NKAIN3: variants seen among roughly 807,000 people sequenced by gnomAD.
NKAIN3 encodes sodium/potassium transporting ATPase interacting 3, also known as sodium/potassium-transporting ATPase subunit beta-1-interacting protein 3.
Under a neutral mutation model 30.2 loss-of-function variants are expected in NKAIN3, and 25 were observed. That is an observed-to-expected ratio of 0.83 (90% confidence interval 0.60 to 1.16). The LOEUF is 1.16. Among genes scored for constraint, NKAIN3 ranks in the 50% most tolerant of loss-of-function variants. The probability of loss-of-function intolerance (pLI) is 0.00; values close to 1 mark genes in which losing one functional copy is unlikely to be tolerated. For synonymous variants in NKAIN3, 91 were observed against 89.6 expected, an observed-to-expected ratio of 1.02 and a Z score of -0.09; for missense variants, 225 against 254.1, an observed-to-expected ratio of 0.89 and a Z score of 0.78.
intron 1 of NKAIN3, among the ~76,000 whole-genome samples, chr8:62,436,328 G>T (rs1438337183): frequency 1.3e-5 from 2 of 152,094 alleles, no homozygotes; most frequent in East Asian, 3.8e-4. Context: ...AGCCTTTCTT[G>T]GTCCTGTGTG....
chr8:62,965,620 T>TAAAAA lies in NKAIN3; in HGVS notation c.*225_*229dup, dbSNP rs35150872. ...TTCTTATATGAACACTTGTAAGTTG[T>TAAAAA]AAAAAAAAAAAAAAAAGAAAAAACA... On this transcript the variant is annotated 3_prime_UTR_variant, in exon 7 of 7. Coordinates refer to ENST00000623646, the MANE Select transcript of NKAIN3 (RefSeq NM_001304533.3). 1.6e-4 allele frequency: 138 copies of TAAAAA among 886,352 alleles called. No homozygotes were observed. The highest frequency in any genetic ancestry group is 2.0e-4 in the African/African-American group (10 of 50,424). The allele number at this position is 886,352 out of a possible 1,614,324, so 54.9% of individuals were successfully genotyped here.
chr8:62,647,939 T>G (rs1812514688), intron 3 of NKAIN3, among the ~76,000 whole-genome samples: 1 of 151,940 alleles, frequency 6.6e-6, no homozygotes, highest in African/African-American at 2.4e-5. Flanking sequence ...GCAGTGGAGA[T>G]GGAAAGAACT....
chr8:62,556,809 A>G (rs1168900034), intron 1 of NKAIN3, among the ~76,000 whole-genome samples: 1 of 152,064 alleles, frequency 6.6e-6, no homozygotes, highest in Non-Finnish European at 1.5e-5. Context: ...GAGCTAAAAG[A>G]TAACGTAAAA....
At chr8:62,396,154 T>TCACA (rs764714988) in intron 1 of NKAIN3, among the ~76,000 whole-genome samples, 46 of 152,110 alleles carry the variant, frequency 3.0e-4, no homozygotes, top group Admixed American at 5.2e-4. Flanking sequence ...TATGTCTCTC[T>TCACA]CACACACACA....
At chr8:62,818,617 A>G (rs1818759657) in intron 4 of NKAIN3, among the ~76,000 whole-genome samples, 1 of 152,162 alleles carries the variant, frequency 6.6e-6, no homozygotes, top group Non-Finnish European at 1.5e-5. Context: ...GCACTACATT[A>G]AGCCCTGGAA....
intron 6 of NKAIN3, among the ~76,000 whole-genome samples, chr8:62,958,892 A>G (rs1489001316): frequency 6.6e-6 from 1 of 152,202 alleles, no homozygotes; most frequent in Non-Finnish European, 1.5e-5. Flanking sequence ...TTCTACAGCA[A>G]AGGTAGAGCT....
At chr8:62,828,585 A>C (rs1203646144) in intron 4 of NKAIN3, among the ~76,000 whole-genome samples, 1 of 151,670 alleles carries the variant, frequency 6.6e-6, no homozygotes, top group Admixed American at 6.6e-5. Flanking sequence ...CTAGCTAAAA[A>C]AATTTTGACG....
At chr8:62,715,012 G>A (rs983615336) in intron 3 of NKAIN3, among the ~76,000 whole-genome samples, 8 of 152,164 alleles carry the variant, frequency 5.3e-5, no homozygotes, top group African/African-American at 1.7e-4. Context: ...GATAGCATGG[G>A]TGGGGAGGCC....
intron 1 of NKAIN3, among the ~76,000 whole-genome samples, chr8:62,485,946 C>T (rs1445373729): frequency 1.3e-5 from 2 of 152,034 alleles, no homozygotes; most frequent in African/African-American, 4.8e-5. Flanking sequence ...ACAACAAGTA[C>T]ATATTAATTA....
intron 1 of NKAIN3, among the ~76,000 whole-genome samples, chr8:62,516,767 A>C (rs192285999): frequency 6.6e-6 from 1 of 152,230 alleles, no homozygotes; most frequent in Non-Finnish European, 1.5e-5. Context: ...TTGTAAATCT[A>C]CATCAGTAGT....
At chr8:62,507,202 C>T (rs1807670525) in intron 1 of NKAIN3, among the ~76,000 whole-genome samples, 1 of 152,050 alleles carries the variant, frequency 6.6e-6, no homozygotes, top group Admixed American at 6.6e-5. Context: ...TTGAAACAAT[C>T]TTGGAAGTTA....
intron 1 of NKAIN3, among the ~76,000 whole-genome samples, chr8:62,489,217 G>T (rs1409736240): frequency 2.0e-5 from 3 of 149,956 alleles, no homozygotes; most frequent in African/African-American, 4.9e-5. Context: ...AGTAGAGATG[G>T]GGTTTCACCA....
chr8:62,910,921 T>C (rs1821908284), intron 4 of NKAIN3, among the ~76,000 whole-genome samples: 1 of 152,154 alleles, frequency 6.6e-6, no homozygotes, highest in Non-Finnish European at 1.5e-5. Flanking sequence ...TAAATGCCAA[T>C]GGATGAACCA....
At chr8:62,759,530 C>T (rs1321012880) in intron 4 of NKAIN3, among the ~76,000 whole-genome samples, 1 of 152,030 alleles carries the variant, frequency 6.6e-6, no homozygotes, top group African/African-American at 2.4e-5. Context: ...GAATGTGGAA[C>T]TAGAGAGACT....
intron 1 of NKAIN3, among the ~76,000 whole-genome samples, chr8:62,327,866 G>A (rs978842607): frequency 3.3e-5 from 5 of 151,832 alleles, no homozygotes; most frequent in Admixed American, 2.0e-4. Flanking sequence ...GATCATTTGC[G>A]GGGGGGATTG....
intron 5 of NKAIN3, among the ~76,000 whole-genome samples, chr8:62,928,776 G>C (rs1822525664): frequency 6.6e-6 from 1 of 152,224 alleles, no homozygotes; most frequent in Non-Finnish European, 1.5e-5. Flanking sequence ...AACGGGCCTG[G>C]GTCATTGAGT....
intron 4 of NKAIN3, among the ~76,000 whole-genome samples, chr8:62,916,214 T>C (rs1822099257): frequency 6.6e-6 from 1 of 152,168 alleles, no homozygotes. Context: ...AGGAAAAGCA[T>C]TAATATTTTT....
intron 4 of NKAIN3, among the ~76,000 whole-genome samples, chr8:62,879,506 C>A (rs994319768): frequency 2.6e-5 from 4 of 152,160 alleles, no homozygotes; most frequent in African/African-American, 9.7e-5. Flanking sequence ...TGCAGAAGCT[C>A]TTTAGCTGTT....
chr8:62,787,562 G>T (rs1466420978), intron 4 of NKAIN3, among the ~76,000 whole-genome samples: 2 of 152,012 alleles, frequency 1.3e-5, no homozygotes, highest in Non-Finnish European at 2.9e-5. Context: ...AACTTTTAGG[G>T]TACATATGCA....
Sources: gnomAD v4.1 joint callset for allele counts (sites outside exome capture counted in the v4.1 genomes callset) on GRCh38, gnomAD v4.1.1 for gene constraint, MANE v1.5 for transcripts, NCBI Gene and HGNC (gene_info 2026-07-23, HGNC 2026-07-21) for gene names.